ZNF668: variants seen among roughly 807,000 people sequenced by gnomAD.
ZNF668 encodes zinc finger protein 668.
ZNF668 carries 10 observed loss-of-function variants against 40.3 expected under a neutral mutation model. That is an observed-to-expected ratio of 0.25 (90% CI 0.15 to 0.42). The LOEUF is 0.42. Among genes scored for constraint, ZNF668 ranks in the 10% least tolerant of loss-of-function variants. The pLI, the probability that ZNF668 is intolerant of heterozygous loss-of-function variation, is 1.00. For missense variants in ZNF668, 749 were observed against 904.6 expected (o/e 0.83, Z 2.21); for synonymous variants, 428 against 384.6 (o/e 1.11, Z -1.32).
At chr16:31,073,590 G>A (rs1375789809) in intron 1 of ZNF668, 69 bp downstream of exon 1, 1 of 152,212 alleles carries the variant, frequency 6.6e-6, no homozygotes, top group African/African-American at 2.4e-5. Flanking sequence ...GGGAAACTGA[G>A]GCCAGCTCGG....
In ZNF668 at chr16:31,061,238, G is replaced by A. The variant is rs751738411; in HGVS notation, c.1690C>T (p.Arg564Cys). The A allele has an allele frequency of 2.6e-6, 4 of 1,535,006 alleles. No individual in the cohort carries two copies. The highest frequency in any genetic ancestry group is 1.3e-5 in the South Asian group (1 of 77,892). ...SDRAGLRKHS[R>C]THSSVRPYTC... ...TAGGGGCGCACTGAGCTGTGAGTGCGGCTGTGTTTGCGCAGCCCAGCCCGG... is the reference window on the plus strand; with the variant it reads ...TAGGGGCGCACTGAGCTGTGAGTGCAGCTGTGTTTGCGCAGCCCAGCCCGG... Residue 564 changes from arginine to cysteine, a missense_variant, in exon 3 of 3, where the codon CGC becomes TGC. By Grantham distance (180) the Arg-to-Cys change is radical. Coordinates refer to ENST00000300849, the MANE Select transcript of ZNF668 (RefSeq NM_024706.5). The surrounding 1 kb of genome is among the most constrained non-coding windows in gnomAD (Gnocchi z 7.7).
At chr16:31,063,217 C>T (rs1221514286) in intron 2 of ZNF668, among the ~76,000 whole-genome samples, 2 of 152,156 alleles carry the variant, frequency 1.3e-5, no homozygotes, top group Admixed American at 6.5e-5. Context: ...ACTGCAGCCT[C>T]GACCTCCCAG....
At chr16:31,062,424 G>A (rs2056938945) in intron 2 of ZNF668, 144 bp from the exon 3 acceptor site, 1 of 1,194,760 alleles carries the variant, frequency 8.4e-7, no homozygotes. Context: ...CTGCACCCCA[G>A]AGGAAGAAGC....
chr16:31,068,239 A>AAAAAAAAATAT (rs1473353128), intron 1 of ZNF668, among the ~76,000 whole-genome samples: 84 of 82,968 alleles, frequency 1.0e-3, no homozygotes, highest in East Asian at 3.6e-3. Flanking sequence ...AAAAAAAAAA[A>AAAAAAAAATAT]ATATATATAT....
At chr16:31,064,852 ACC>A in intron 1 of ZNF668, 1 of 1,436,376 alleles carries the variant, frequency 7.0e-7, no homozygotes, top group Non-Finnish European at 9.1e-7. Flanking sequence ...TAAAGAGTGT[ACC>A]CAGACGTGGG....
At chr16:31,064,595 G>T in intron 1 of ZNF668, 114 bp from the exon 2 acceptor site, 1 of 1,548,136 alleles carries the variant, frequency 6.5e-7, no homozygotes, top group Non-Finnish European at 8.7e-7. Flanking sequence ...CATCCTTCCT[G>T]CCCAGCATTC....
intron 2 of ZNF668, 118 bp from the exon 3 acceptor site, chr16:31,062,398 C>T (rs1169926913): frequency 1.4e-6 from 2 of 1,394,434 alleles, no homozygotes; most frequent in Non-Finnish European, 1.9e-6. Flanking sequence ...GGCTTAATCC[C>T]CTAAGAGCCA....
intron 1 of ZNF668, chr16:31,065,534 C>G (rs189736393): frequency 6.6e-6 from 1 of 152,184 alleles, no homozygotes; most frequent in African/African-American, 2.4e-5. Flanking sequence ...TATGAGACCT[C>G]AGTGAAATGA....
At chr16:31,062,344 CT>C in intron 2 of ZNF668, 64 bp from the exon 3 acceptor site, 1 of 1,518,708 alleles carries the variant, frequency 6.6e-7, no homozygotes, top group East Asian at 2.3e-5. Context: ...CACTGCCTGT[CT>C]GGGCTGTACT....
intron 1 of ZNF668, among the ~76,000 whole-genome samples, chr16:31,068,281 G>C (rs1288725681): frequency 7.7e-6 from 1 of 130,468 alleles, no homozygotes; most frequent in East Asian, 2.2e-4. Context: ...TTGAGATGGA[G>C]TCTTACTCTG....
rs201208228 is a variant in ZNF668, at chr16:31,071,903, ATGTT to A, written c.-23+1752_-23+1755del. The stretch of plus-strand genomic sequence containing the variant: ...CTGCCTAGCAGTTCATTATGAGTGA[ATGTT>A]TGTGTTCCCTGTCCATTCATATATT... On this transcript the variant is annotated intron_variant, in intron 1 of 2. Transcript: ENST00000300849. Among the ~76,000 whole-genome samples, 146 of 152,334 alleles carry A rather than the reference ATGTT, an allele frequency of 9.6e-4. 2 individuals are homozygous for A. In the East Asian group the frequency reaches 0.026, roughly 27 times the overall value.
chr16:31,073,265 G>A (rs1397084616), intron 1 of ZNF668: 1 of 152,396 alleles, frequency 6.6e-6, no homozygotes, highest in African/African-American at 2.4e-5. Context: ...CTTGCAAGAT[G>A]GCGTTCTCTA....
rs2056914773 is a variant in ZNF668, at chr16:31,060,861, A to C, written c.*207T>G. ...AGAAGATGACCTGGTGCCAAAATGA[A>C]AGCTTTAATGAGTGTTACTCCTAGA... On this transcript the variant is annotated 3_prime_UTR_variant, in exon 3 of 3. Coordinates refer to ENST00000300849, the MANE Select transcript of ZNF668 (RefSeq NM_024706.5). 2.0e-6 allele frequency: 1 copy of C among 503,580 alleles called. No individual in the cohort carries two copies. The highest frequency in any genetic ancestry group is 3.1e-6 in the Non-Finnish European group (1 of 319,498). 31.2% of individuals were successfully genotyped at this position (503,580 alleles called of 1,614,324 possible).
intron 1 of ZNF668, among the ~76,000 whole-genome samples, chr16:31,070,594 G>A (rs1029463172): frequency 6.6e-6 from 1 of 151,800 alleles, no homozygotes; most frequent in Non-Finnish European, 1.5e-5. Context: ...AGGCTGGAGT[G>A]CAATGGCACC....
Position 31,068,113 on chromosome 16 carries a change from T to C in ZNF668, c.-22-3632A>G, listed in dbSNP as rs1044162753. Among the ~76,000 whole-genome samples the C allele has an allele frequency of 3.3e-5, 5 of 149,948 alleles. No individual in the cohort carries two copies. In the Admixed American group the frequency reaches 3.4e-4, roughly 10 times the overall value. Reference sequence around the variant, plus strand: ...GCTGGAGGGGAAATCCCTCCTCCCATGGCACTTCCCAGGGGAAAAGGTAGG... The same window carrying C: ...GCTGGAGGGGAAATCCCTCCTCCCACGGCACTTCCCAGGGGAAAAGGTAGG... On this transcript the variant is annotated intron_variant, in intron 1 of 2. Coordinates refer to ENST00000300849, the MANE Select transcript of ZNF668 (RefSeq NM_024706.5).
intron 1 of ZNF668, 128 bp from the exon 2 acceptor site, chr16:31,064,609 GCT>G: frequency 6.5e-7 from 1 of 1,541,182 alleles, no homozygotes; most frequent in Non-Finnish European, 8.7e-7. Context: ...AGCATTCCTG[GCT>G]CTGACATCCT....
chr16:31,070,526 AT>A (rs1276115065), intron 1 of ZNF668, among the ~76,000 whole-genome samples: 4 of 150,622 alleles, frequency 2.7e-5, no homozygotes, highest in African/African-American at 7.3e-5. Flanking sequence ...TTTTTAAAAA[AT>A]GTTTTTATTT....
In ZNF668 at chr16:31,060,880, T is replaced by C; in HGVS notation, c.*188A>G. ...AAATGAAAGCTTTAATGAGTGTTAC[T>C]CCTAGACAGTCACGTCTCAGCTTCT... On this transcript the variant is annotated 3_prime_UTR_variant, in exon 3 of 3. Coordinates refer to ENST00000300849, the MANE Select transcript of ZNF668 (RefSeq NM_024706.5). 1.7e-6 allele frequency: 1 copy of C among 600,710 alleles called. No individual in the cohort carries two copies. The allele number at this position is 600,710 out of a possible 1,614,324, so 37.2% of individuals were successfully genotyped here. A position where few individuals can be genotyped will look rare whatever the true frequency, so the allele number is the denominator to read the frequency against.
Position 31,062,061 on chromosome 16 carries a change from G to A in ZNF668, c.867C>T (p.Phe289=). The change falls in exon 3 of 3, where the codon TTC becomes TTT. Residue 289 remains phenylalanine (F), a synonymous_variant. Transcript: ENST00000300849. The part of the protein sequence containing the change: ...PFLCPRCGRM[F]SDPSSFRRHQ... ...GGCGACGGAAGCTCGAGGGGTCGGA[G>A]AACATGCGGCCGCAGCGCGGGCACA... 2 of 1,613,400 alleles carry A rather than the reference G, an allele frequency of 1.2e-6. No homozygotes were observed. The highest frequency in any genetic ancestry group is 1.1e-5 in the South Asian group (1 of 91,018).
Sources: allele counts gnomAD v4.1 joint callset (sites outside exome capture counted in the v4.1 genomes callset), GRCh38; gene constraint gnomAD v4.1.1; non-coding constraint Gnocchi (gnomAD v3.1); transcripts MANE v1.5; gene names NCBI Gene and HGNC (gene_info 2026-07-23, HGNC 2026-07-21).